The following BCAS3 variants were observed in gnomAD, a reference collection of about 807,000 sequenced individuals.
BCAS3 encodes the protein BCAS3 microtubule associated cell migration factor.
BCAS3 carries 53 observed loss-of-function variants against 116.1 expected under a neutral mutation model. The observed-to-expected ratio is 0.46, with a 90% CI of 0.37 to 0.57. The LOEUF (loss-of-function observed/expected upper bound fraction) is 0.57, where lower values mean the gene tolerates loss of function less well. Ranked by LOEUF, BCAS3 falls within the 20% of genes least tolerant of loss-of-function variation. The probability of loss-of-function intolerance (pLI) is 0.00; values close to 1 mark genes in which losing one functional copy is unlikely to be tolerated. For synonymous variants in BCAS3, 391 were observed against 408.2 expected (o/e 0.96, Z 0.51); for missense variants, 917 against 1,165.4 (o/e 0.79, Z 3.10).
At position 60,990,472 on chromosome 17, in the gene BCAS3, T is replaced by C. The variant is rs560987019; in HGVS notation, c.1486+237T>C. Among the ~76,000 whole-genome samples, 1 of 152,340 alleles carries C rather than the reference T, an allele frequency of 6.6e-6. No individual in the cohort carries two copies. The highest frequency in any genetic ancestry group is 1.5e-5 in the Non-Finnish European group (1 of 68,028). On this transcript the variant is annotated intron_variant, in intron 15 of 23. Transcript: ENST00000407086. This position sits in a 1 kb window ranked among gnomAD's most constrained non-coding sequence, Gnocchi z 5.1. ...AATATATAAGGGATATTTGGTATCA[T>C]ATTTATGGAATATAAAACTTGGAAC...
intron 12 of BCAS3, among the ~76,000 whole-genome samples, chr17:60,923,850 A>G (rs965578842): frequency 6.6e-6 from 1 of 152,186 alleles, no homozygotes; most frequent in Non-Finnish European, 1.5e-5. Flanking sequence ...AGTCATTTCA[A>G]AGAAGTTCTA....
intron 19 of BCAS3, chr17:61,069,763 A>G: frequency 1.6e-6 from 1 of 638,940 alleles, no homozygotes; most frequent in South Asian, 1.8e-5. Flanking sequence ...GCTTGAACAC[A>G]AGGTGGAGGC....
intron 14 of BCAS3, among the ~76,000 whole-genome samples, chr17:60,974,978 TTTTGTTTTTTTTGCTTTTTTG>T (rs1476729815): frequency 9.3e-5 from 13 of 139,642 alleles, no homozygotes; most frequent in African/African-American, 4.1e-4. Context: ...CATTTGTTTT[TTTTGTTTTTTTTGCTTTTTTG>T]TTTTTTTTTT....
chr17:60,867,654 G>T (rs1010552177), intron 7 of BCAS3, among the ~76,000 whole-genome samples: 3 of 151,964 alleles, frequency 2.0e-5, no homozygotes, highest in African/African-American at 7.2e-5. Context: ...ATTTGCCTCT[G>T]TGTGTGTGTG....
chr17:61,280,443 G>A (rs35280536), intron 22 of BCAS3, among the ~76,000 whole-genome samples: 22,014 of 152,126 alleles, frequency 0.14, 2,339 homozygotes, highest in African/African-American at 0.3. Context: ...TGTCTTTGGA[G>A]GGGAATGTGA....
rs1033177832 is a variant in BCAS3 at position 61,141,961 on chromosome 17, G to A, written c.2425+57397G>A. Among the ~76,000 whole-genome samples the A allele has an allele frequency of 2.7e-5, 4 of 150,918 alleles. No homozygotes were observed. The highest frequency in any genetic ancestry group is 5.9e-5 in the Non-Finnish European group (4 of 67,848). On this transcript the variant is annotated intron_variant, in intron 22 of 23. Coordinates refer to ENST00000407086, the MANE Select transcript of BCAS3 (RefSeq NM_017679.5). This position sits in a 1 kb window ranked among gnomAD's most constrained non-coding sequence, Gnocchi z 4.3. Reference sequence around the variant, plus strand: ...AGAGATACTCAAGTTCTTGAAAGAAGTTTGTTGAGGATAAGATTTATTTAA... The same window carrying A: ...AGAGATACTCAAGTTCTTGAAAGAAATTTGTTGAGGATAAGATTTATTTAA...
chr17:61,292,511 G>A (rs943699179), intron 22 of BCAS3, among the ~76,000 whole-genome samples: 36 of 152,212 alleles, frequency 2.4e-4, no homozygotes, highest in African/African-American at 7.9e-4. Flanking sequence ...AATTAGCCAG[G>A]CGTGGTGGTG....
chr17:60,691,312 A>G (rs2034791877), intron 4 of BCAS3, among the ~76,000 whole-genome samples: 1 of 152,054 alleles, frequency 6.6e-6, no homozygotes, highest in Non-Finnish European at 1.5e-5. Flanking sequence ...AGGAACCACC[A>G]TGGTTTTCCT....
rs1054287044 is a variant in BCAS3 at position 61,200,681 on chromosome 17, A to G, written c.2425+116117A>G. Among the ~76,000 whole-genome samples the G allele has an allele frequency of 6.6e-5, 10 of 152,194 alleles. No homozygotes were observed. Among genetic ancestry groups the G allele is most frequent in the African/African-American group, 2.4e-4 (10 of 41,430 alleles). On this transcript the variant is annotated intron_variant, in intron 22 of 23. Coordinates refer to ENST00000407086, the MANE Select transcript of BCAS3 (RefSeq NM_017679.5). The surrounding 1 kb of genome is among the most constrained non-coding windows in gnomAD (Gnocchi z 5.1). ...TGGCTGGCTCTCTTATTATATTAGT[A>G]TCTTTTTACTATTATCTTGCTTCTG...
chr17:60,694,133 G>T (rs1344543716), intron 4 of BCAS3, among the ~76,000 whole-genome samples: 2 of 150,056 alleles, frequency 1.3e-5, no homozygotes, highest in South Asian at 4.3e-4. Context: ...TGATCTGCCC[G>T]CTTCGGCCTT....
At chr17:61,336,450 A>G (rs1028017748) in intron 22 of BCAS3, among the ~76,000 whole-genome samples, 1 of 152,124 alleles carries the variant, frequency 6.6e-6, no homozygotes, top group Non-Finnish European at 1.5e-5. Flanking sequence ...CCTCCCACGG[A>G]GAGCTTCAAG....
At position 61,228,574 on chromosome 17, in the gene BCAS3, C is replaced by T. The variant is rs1409696204; in HGVS notation, c.2426-139753C>T. 6.6e-6 allele frequency among the ~76,000 whole-genome samples: 1 copy of T among 152,184 alleles called. No homozygotes were observed. The highest frequency in any genetic ancestry group is 6.5e-5 in the Admixed American group (1 of 15,274). ...CTCTGTGTCATACTATGGTAATTGT[C>T]ACCAGCTTTCAAACTTTTGCATTAT... On this transcript the variant is annotated intron_variant, in intron 22 of 23. Coordinates refer to ENST00000407086, the MANE Select transcript of BCAS3 (RefSeq NM_017679.5). This position sits in a 1 kb window ranked among gnomAD's most constrained non-coding sequence, Gnocchi z 5.0.
rs1261503162 is a variant in BCAS3, at chr17:61,352,208, G to A, written c.2426-16119G>A. Among the ~76,000 whole-genome samples the A allele has an allele frequency of 3.0e-5, 4 of 133,088 alleles. No individual in the cohort carries two copies. In the East Asian group the frequency reaches 1.6e-3, roughly 52 times the overall value. The allele number at this position is 133,088 out of a possible 152,430, so 87.3% of individuals were successfully genotyped here. On this transcript the variant is annotated intron_variant, in intron 22 of 23. Coordinates refer to ENST00000407086, the MANE Select transcript of BCAS3 (RefSeq NM_017679.5). This position sits in a 1 kb window ranked among gnomAD's most constrained non-coding sequence, Gnocchi z 4.7. ...ATGTCCAGCTGACGTAGTAACAAGA[G>A]GTCTCTGGGCCCCTCCTGGGAGCCC...
At chr17:61,146,328 G>C (rs2077209260) in intron 22 of BCAS3, among the ~76,000 whole-genome samples, 1 of 150,742 alleles carries the variant, frequency 6.6e-6, no homozygotes. Context: ...ATGTTGCCCA[G>C]GCTGGTCTCG....
chr17:60,700,185 A>AAAG (rs1319555739), intron 4 of BCAS3, among the ~76,000 whole-genome samples: 1 of 147,062 alleles, frequency 6.8e-6, no homozygotes, highest in African/African-American at 2.7e-5. Flanking sequence ...AAAAAAAAAA[A>AAAG]GAAGCAGTTC....
intron 4 of BCAS3, among the ~76,000 whole-genome samples, chr17:60,694,986 T>G (rs1425860782): frequency 1.3e-5 from 2 of 152,126 alleles, no homozygotes; most frequent in African/African-American, 4.8e-5. Flanking sequence ...GGTAGAATGA[T>G]AGATTATTTG....
intron 14 of BCAS3, among the ~76,000 whole-genome samples, chr17:60,985,141 C>CTTTTTTT (rs560277871): frequency 2.5e-5 from 3 of 120,360 alleles, no homozygotes; most frequent in Non-Finnish European, 3.3e-5. Context: ...CAACTGTATT[C>CTTTTTTT]TTTTTTTTTT....
rs1326028753 is a variant in BCAS3, at chr17:61,376,842, G to C, written c.2593+8348G>C. Among the ~76,000 whole-genome samples the C allele has an allele frequency of 2.0e-5, 3 of 152,172 alleles. No homozygotes were observed. The highest frequency in any genetic ancestry group is 2.0e-4 in the Admixed American group (3 of 15,278). On this transcript the variant is annotated intron_variant, in intron 23 of 23. Transcript: ENST00000407086. This position sits in a 1 kb window ranked among gnomAD's most constrained non-coding sequence, Gnocchi z 4.5. The stretch of plus-strand genomic sequence containing the variant: ...GCCCTGGAGTTTTCCTCCTTCTACA[G>C]CATCTACAAAAGTTCTCTCAGTGTC...
chr17:60,740,341 A>G lies in BCAS3; in HGVS notation c.322-6857A>G, dbSNP rs2041412471. ...AAACCTCATCTCTACAAAAACATAC[A>G]AAAAAATTCAGCTGGGCATGGTGGT... On this transcript the variant is annotated intron_variant, in intron 5 of 23. Coordinates refer to ENST00000407086, the MANE Select transcript of BCAS3 (RefSeq NM_017679.5). Among the ~76,000 whole-genome samples the G allele has an allele frequency of 2.6e-5, 4 of 151,742 alleles. 1 individual carries two copies. The South Asian group carries it at 8.3e-4, about 32-fold the overall frequency.
Sources: gnomAD v4.1 joint callset for allele counts (sites outside exome capture counted in the v4.1 genomes callset) on GRCh38, gnomAD v4.1.1 for gene constraint, Gnocchi (gnomAD v3.1) non-coding constraint, MANE v1.5 for transcripts, NCBI Gene and HGNC (gene_info 2026-07-23, HGNC 2026-07-21) for gene names.